ADCK1: variants seen among roughly 807,000 people sequenced by gnomAD.
ADCK1 encodes the protein aarF domain-containing protein kinase 1.
Under a neutral mutation model 52.3 loss-of-function variants are expected in ADCK1, and 41 were observed. The ratio of observed to expected loss-of-function variants is 0.78; its 90% CI spans 0.61 to 1.02. The LOEUF (loss-of-function observed/expected upper bound fraction) is 1.02, where lower values mean the gene tolerates loss of function less well. Among genes scored for constraint, ADCK1 ranks in the 50% least tolerant of loss-of-function variants. The pLI, the probability that ADCK1 is intolerant of heterozygous loss-of-function variation, is 0.00. For missense variants in ADCK1, 658 were observed against 679.5 expected, an observed-to-expected ratio of 0.97 and a Z score of 0.35; for synonymous variants, 250 against 274.6, an observed-to-expected ratio of 0.91 and a Z score of 0.89.
chr14:77,931,571 C>T lies in ADCK1; in HGVS notation c.1260C>T (p.Leu420=). ...AANYLPQISH[L]LNHVPRQMLL... ...ACTACCTCCCCCAGATCAGCCATCT[C>T]CTCAACCACGTGCCGCGCCAGATGC... The change falls in exon 10 of 11, where the codon CTC becomes CTT. Residue 420 remains leucine (L), a synonymous_variant. Transcript: ENST00000238561. The T allele has an allele frequency of 6.2e-7, 1 of 1,614,100 alleles. No individual in the cohort carries two copies. Among genetic ancestry groups the T allele is most frequent in the Non-Finnish European group, 8.5e-7 (1 of 1,180,034 alleles).
chr14:77,925,684 A>C (rs935235878), intron 8 of ADCK1, 80 bp from the exon 9 acceptor site: 6 of 1,433,744 alleles, frequency 4.2e-6, no homozygotes, highest in Non-Finnish European at 3.9e-6. Context: ...CGTCTTTTGC[A>C]ATGGTTGGCA....
intron 4 of ADCK1, among the ~76,000 whole-genome samples, chr14:77,874,416 T>C (rs2082853064): frequency 6.6e-6 from 1 of 151,964 alleles, no homozygotes; most frequent in African/African-American, 2.4e-5. Flanking sequence ...AGGACTTCAG[T>C]GTGGTCAAGA....
chr14:77,912,311 C>T (rs1160098025), intron 7 of ADCK1, among the ~76,000 whole-genome samples: 1 of 152,176 alleles, frequency 6.6e-6, no homozygotes. Flanking sequence ...GCTCTAAGTA[C>T]TGTCACTTAC....
intron 7 of ADCK1, among the ~76,000 whole-genome samples, chr14:77,920,105 A>T (rs182959931): frequency 1.4e-3 from 216 of 152,254 alleles, no homozygotes; most frequent in African/African-American, 4.9e-3. Context: ...TTTTAGTTTA[A>T]TTAAGTCCTG....
At chr14:77,835,964 C>CCTA (rs1156566371) in intron 3 of ADCK1, among the ~76,000 whole-genome samples, 1 of 152,166 alleles carries the variant, frequency 6.6e-6, no homozygotes, top group East Asian at 1.9e-4. Flanking sequence ...CAGGTAGGCT[C>CCTA]CTACTAATGG....
chr14:77,830,036 A>G (rs2081807532), intron 3 of ADCK1, among the ~76,000 whole-genome samples: 1 of 151,474 alleles, frequency 6.6e-6, no homozygotes, highest in Admixed American at 6.6e-5. Flanking sequence ...ACTCAAGGCC[A>G]GGTTTTAAGC....
intron 3 of ADCK1, among the ~76,000 whole-genome samples, chr14:77,852,903 ATATATTTTTTTTTT>A (rs1295181106): frequency 3.4e-4 from 10 of 29,440 alleles, no homozygotes; most frequent in Non-Finnish European, 4.3e-4. Flanking sequence ...ATATATATAT[ATATATTTTTTTTTT>A]TTTTTTTTTT....
chr14:77,870,862 G>A (rs2082760853), intron 4 of ADCK1, among the ~76,000 whole-genome samples: 1 of 152,186 alleles, frequency 6.6e-6, no homozygotes, highest in Non-Finnish European at 1.5e-5. Flanking sequence ...GGGAGAAGGG[G>A]AACAGGTCTC....
chr14:77,919,797 T>G (rs2084007913), intron 7 of ADCK1, among the ~76,000 whole-genome samples: 1 of 152,162 alleles, frequency 6.6e-6, no homozygotes, highest in Non-Finnish European at 1.5e-5. Flanking sequence ...AAGGTGGTAT[T>G]GCATTGTGGT....
intron 7 of ADCK1, 110 bp from the exon 8 acceptor site, chr14:77,924,347 C>G: frequency 7.0e-7 from 1 of 1,428,218 alleles, no homozygotes. Flanking sequence ...TCCGGCCCAC[C>G]GATTTTCTCT....
intron 3 of ADCK1, among the ~76,000 whole-genome samples, chr14:77,828,874 T>C (rs2081778750): frequency 6.6e-6 from 1 of 151,512 alleles, no homozygotes; most frequent in African/African-American, 2.4e-5. Flanking sequence ...TATTTTATTC[T>C]ATGGGGTCTA....
intron 9 of ADCK1, among the ~76,000 whole-genome samples, chr14:77,928,932 C>T (rs981386756): frequency 3.3e-5 from 5 of 152,184 alleles, no homozygotes; most frequent in African/African-American, 9.6e-5. Context: ...TTTGTCTGCA[C>T]GCCTTAACTC....
Position 77,933,443 on chromosome 14 carries a change from T to A in ADCK1, c.*52T>A. On this transcript the variant is annotated 3_prime_UTR_variant, in exon 11 of 11. Coordinates refer to ENST00000238561, the MANE Select transcript of ADCK1 (RefSeq NM_020421.4). ...TGGTGTCTTTCCACTCCTCAGCCCC[T>A]CATCTTGCCTCCACCCAGCTGCTCC... 6.3e-7 allele frequency: 1 copy of A among 1,595,748 alleles called. No individual in the cohort carries two copies. The highest frequency in any genetic ancestry group is 8.6e-7 in the Non-Finnish European group (1 of 1,166,220).
intron 3 of ADCK1, among the ~76,000 whole-genome samples, chr14:77,839,357 C>T (rs1297810315): frequency 6.6e-6 from 1 of 152,110 alleles, no homozygotes; most frequent in Non-Finnish European, 1.5e-5. Flanking sequence ...GCCCTGCTGC[C>T]CCAACCTTCA....
chr14:77,817,794 G>A (rs996999411), intron 1 of ADCK1, among the ~76,000 whole-genome samples: 2 of 151,504 alleles, frequency 1.3e-5, no homozygotes, highest in Admixed American at 6.6e-5. Context: ...GGAGTGCAGT[G>A]GCGCAATCTC....
chr14:77,862,767 G>A (rs1360288207), intron 4 of ADCK1, among the ~76,000 whole-genome samples: 1 of 152,210 alleles, frequency 6.6e-6, no homozygotes, highest in African/African-American at 2.4e-5. Flanking sequence ...GGACATTTGG[G>A]TGTAGCCAGG....
chr14:77,806,386 G>A (rs923555003), intron 1 of ADCK1, among the ~76,000 whole-genome samples: 2 of 152,140 alleles, frequency 1.3e-5, no homozygotes, highest in African/African-American at 4.8e-5. Flanking sequence ...CAGGTTGGAA[G>A]TCAGAAGCAA....
chr14:77,830,593 A>G (rs1452443080), intron 3 of ADCK1, among the ~76,000 whole-genome samples: 1 of 150,954 alleles, frequency 6.6e-6, no homozygotes, highest in Admixed American at 6.6e-5. Context: ...GTACCCAACC[A>G]GTTATTGAAT....
chr14:77,838,981 G>A (rs1003799561), intron 3 of ADCK1, among the ~76,000 whole-genome samples: 1 of 152,208 alleles, frequency 6.6e-6, no homozygotes, highest in Admixed American at 6.5e-5. Flanking sequence ...GGACTTGTTT[G>A]TATTGCTTGC....
Sources: gnomAD v4.1 joint callset for allele counts (sites outside exome capture counted in the v4.1 genomes callset) on GRCh38, gnomAD v4.1.1 for gene constraint, MANE v1.5 for transcripts, NCBI Gene and HGNC (gene_info 2026-07-23, HGNC 2026-07-21) for gene names.